AGBL1: variants seen among roughly 807,000 people sequenced by gnomAD.
AGBL1 encodes AGBL carboxypeptidase 1, also known as cytosolic carboxypeptidase 4.
A neutral mutation model predicts 118.9 loss-of-function variants in AGBL1; 130 were observed. The observed-to-expected ratio is 1.09, with a 90% confidence interval of 0.95 to 1.26. The LOEUF (loss-of-function observed/expected upper bound fraction) is 1.26, where lower values mean the gene tolerates loss of function less well. Among genes scored for constraint, AGBL1 ranks in the 50% most tolerant of loss-of-function variants. The pLI is 0.00. For synonymous variants in AGBL1, 555 were observed against 478.9 expected (o/e 1.16, Z -2.08); for missense variants, 1,584 against 1,298.1 (o/e 1.22, Z -3.38).
Position 86,371,085 on chromosome 15 carries a change from A to G in AGBL1, c.2375-26281A>G, listed in dbSNP as rs1037692619. ...TGACTGGTGTGAGCAAAGAAAGCCC[A>G]GGTTCAGGAAGAGAGGAATGGCAGC... On this transcript the variant is annotated intron_variant, in intron 17 of 22. Transcript: ENST00000614907. Among the ~76,000 whole-genome samples the G allele has an allele frequency of 2.0e-5, 3 of 152,360 alleles. No homozygotes were observed. The South Asian group carries it at 6.2e-4, about 32-fold the overall frequency.
chr15:86,362,310 G>A (rs899223437), intron 17 of AGBL1, among the ~76,000 whole-genome samples: 2 of 152,132 alleles, frequency 1.3e-5, no homozygotes, highest in Non-Finnish European at 2.9e-5. Context: ...AACTTCGATA[G>A]TAGAGTTAAA....
At chr15:86,296,072 A>G (rs1235728060) in intron 17 of AGBL1, 2 of 152,316 alleles carry the variant, frequency 1.3e-5, no homozygotes, top group Non-Finnish European at 2.9e-5. Flanking sequence ...ACAGATGTGT[A>G]TACACGTATA....
chr15:86,385,277 T>C (rs1248232425), intron 17 of AGBL1, among the ~76,000 whole-genome samples: 2 of 152,234 alleles, frequency 1.3e-5, no homozygotes, highest in Non-Finnish European at 2.9e-5. Context: ...ACATTGCTTT[T>C]TAAAAATGTG....
chr15:86,565,121 T>C (rs1222781289), intron 21 of AGBL1, among the ~76,000 whole-genome samples: 1 of 152,254 alleles, frequency 6.6e-6, no homozygotes, highest in Non-Finnish European at 1.5e-5. Context: ...GAAGCCTTCT[T>C]CTCTCAAATC....
intron 22 of AGBL1, among the ~76,000 whole-genome samples, chr15:86,756,957 T>TTTTC (rs1555447142): frequency 2.0e-5 from 3 of 150,620 alleles, no homozygotes; most frequent in African/African-American, 7.3e-5. Flanking sequence ...TTTTTTTTTT[T>TTTTC]CTCCCCATCC....
chr15:86,554,356 T>C lies in AGBL1; in HGVS notation c.2818-5T>C, dbSNP rs1421893675. 3 of 1,568,410 alleles carry C rather than the reference T, an allele frequency of 1.9e-6. No homozygotes were observed. The highest frequency in any genetic ancestry group is 3.9e-5 in the Admixed American group (2 of 51,912). On this transcript the variant is annotated splice_region_variant and splice_polypyrimidine_tract_variant and intron_variant, in intron 20 of 22. Transcript: ENST00000614907. ...ATCATCGTTTGATTTTTGTTTTTACTGTAGACTCTTCCCAAAATCCTTGAT... is the reference window on the plus strand; with the variant it reads ...ATCATCGTTTGATTTTTGTTTTTACCGTAGACTCTTCCCAAAATCCTTGAT...
chr15:86,374,816 G>GT (rs1418655395), intron 17 of AGBL1, among the ~76,000 whole-genome samples: 4 of 152,154 alleles, frequency 2.6e-5, no homozygotes, highest in Non-Finnish European at 4.4e-5. Context: ...CCTTTAGGAC[G>GT]TTTTTTCCAT....
chr15:86,093,005 G>A (rs933979136), intron 1 of AGBL1, among the ~76,000 whole-genome samples: 2 of 152,062 alleles, frequency 1.3e-5, no homozygotes, highest in African/African-American at 2.4e-5. Context: ...TAGCAGCTTC[G>A]GAAGTATTTA....
At chr15:86,100,373 C>G (rs755397919) in intron 1 of AGBL1, among the ~76,000 whole-genome samples, 2 of 152,076 alleles carry the variant, frequency 1.3e-5, no homozygotes, top group Non-Finnish European at 2.9e-5. Flanking sequence ...CTCACCTCTT[C>G]AATTTTTTGG....
intron 17 of AGBL1, among the ~76,000 whole-genome samples, chr15:86,385,089 C>T (rs758611111): frequency 1.3e-5 from 2 of 152,036 alleles, no homozygotes; most frequent in Non-Finnish European, 2.9e-5. Flanking sequence ...AGTGATTAGT[C>T]CAAATTGCTC....
At chr15:86,901,191 T>G in intron 22 of AGBL1, among the ~76,000 whole-genome samples, 1 of 152,180 alleles carries the variant, frequency 6.6e-6, no homozygotes, top group East Asian at 1.9e-4. Flanking sequence ...TCAAATATGT[T>G]GACTAGGTTT....
intron 23 of AGBL1, among the ~76,000 whole-genome samples, chr15:86,959,334 A>G (rs1047381714): frequency 1.3e-5 from 2 of 152,148 alleles, no homozygotes; most frequent in Admixed American, 6.6e-5. Context: ...TGAGTAGTTC[A>G]ACATCCAGTT....
At chr15:86,333,200 C>A (rs547232905) in intron 17 of AGBL1, among the ~76,000 whole-genome samples, 1 of 152,128 alleles carries the variant, frequency 6.6e-6, no homozygotes, top group South Asian at 2.1e-4. Flanking sequence ...AAGAACTGAA[C>A]AAAATTGAGA....
At chr15:86,802,507 A>G (rs560205495) in intron 22 of AGBL1, among the ~76,000 whole-genome samples, 283 of 152,244 alleles carry the variant, frequency 1.9e-3, no homozygotes, top group Non-Finnish European at 3.4e-3. Context: ...GGAGAGCCCA[A>G]TGCGGTAATA....
intron 23 of AGBL1, among the ~76,000 whole-genome samples, chr15:86,945,423 G>C (rs2080807271): frequency 6.6e-6 from 1 of 151,986 alleles, no homozygotes; most frequent in Non-Finnish European, 1.5e-5. Flanking sequence ...AATCCCAGCA[G>C]TTTGGGGAGC....
intron 19 of AGBL1, among the ~76,000 whole-genome samples, chr15:86,526,573 T>TATAC (rs1415307184): frequency 0.04 from 4,719 of 117,202 alleles, 120 homozygotes; most frequent in Non-Finnish European, 0.06. Context: ...TATATATATA[T>TATAC]ACACACAGAG....
At chr15:86,838,510 G>A (rs567332028) in intron 22 of AGBL1, among the ~76,000 whole-genome samples, 12 of 152,250 alleles carry the variant, frequency 7.9e-5, no homozygotes, top group South Asian at 2.1e-4. Context: ...CTGTCTGTCC[G>A]TGGTGACATT....
chr15:86,142,995 T>C (rs1328888002), intron 2 of AGBL1, among the ~76,000 whole-genome samples: 1 of 152,216 alleles, frequency 6.6e-6, no homozygotes. Context: ...TAAGTCAACT[T>C]TGCCCCGTAC....
At chr15:86,212,497 C>T (rs1219841914) in intron 5 of AGBL1, among the ~76,000 whole-genome samples, 1 of 152,140 alleles carries the variant, frequency 6.6e-6, no homozygotes, top group Admixed American at 6.5e-5. Context: ...GAGAGAAATT[C>T]CCTTTCAACC....
Sources: allele counts gnomAD v4.1 joint callset (sites outside exome capture counted in the v4.1 genomes callset), GRCh38; gene constraint gnomAD v4.1.1; transcripts MANE v1.5; gene names NCBI Gene and HGNC (gene_info 2026-07-23, HGNC 2026-07-21).